TRERF1: variants seen among roughly 807,000 people sequenced by gnomAD.
The protein encoded by TRERF1 is transcriptional regulating factor 1.
A neutral mutation model predicts 122.9 loss-of-function variants in TRERF1; 27 were observed. That is an observed-to-expected ratio of 0.22 (90% confidence interval 0.16 to 0.30). The LOEUF is 0.30. TRERF1 is among the 10% of genes least tolerant of loss of function. The pLI is 1.00. For missense variants in TRERF1, 1,248 were observed against 1,560.3 expected (o/e 0.80, Z 3.37); for synonymous variants, 636 against 641.7 (o/e 0.99, Z 0.13).
chr6:42,308,211 G>C (rs1400738484), intron 3 of TRERF1, among the ~76,000 whole-genome samples: 1 of 152,176 alleles, frequency 6.6e-6, no homozygotes, highest in Non-Finnish European at 1.5e-5. Flanking sequence ...AAGGTGGAAA[G>C]AACCCAAATG....
rs374092720 is a variant in TRERF1 at position 42,265,845 on chromosome 6, G to T, written c.1438-48C>A. On this transcript the variant is annotated intron_variant, in intron 5 of 17. Coordinates refer to ENST00000372922, the Ensembl canonical transcript of TRERF1. ...ACCGAAAAAAAGAAGAGAAAAAAACGTGTTCTGAAGGGAGAAGTCCTCGAG... is the reference window on the plus strand; with the variant it reads ...ACCGAAAAAAAGAAGAGAAAAAAACTTGTTCTGAAGGGAGAAGTCCTCGAG... 3 of 1,593,818 alleles carry T rather than the reference G, an allele frequency of 1.9e-6. No homozygotes were observed. In the African/African-American group the frequency reaches 4.0e-5, roughly 21 times the overall value.
At chr6:42,264,802 T>C in exon 7 of TRERF1, 1 of 1,614,238 alleles carries the variant, frequency 6.2e-7, no homozygotes, top group Non-Finnish European at 8.5e-7. Context: ...ATGGAGCATG[T>C]CAGCTTGTTC....
chr6:42,246,686 G>C lies in TRERF1; in HGVS notation c.2657-142C>G, dbSNP rs1486113443. On this transcript the variant is annotated intron_variant, in intron 13 of 17. Coordinates refer to ENST00000372922, the Ensembl canonical transcript of TRERF1. ...AAACTCCCATTTGAACAAAAAGATA[G>C]TGTGATATAATGGTTAGGAGCTCTG... is the stretch of plus-strand genomic sequence containing the variant. 7.1e-6 allele frequency: 4 copies of C among 563,422 alleles called. No individual in the cohort carries two copies. The East Asian group carries it at 9.7e-5, about 14-fold the overall frequency. 34.9% of individuals were successfully genotyped at this position (563,422 alleles called of 1,614,324 possible). A position where few individuals can be genotyped will look rare whatever the true frequency, so the allele number is the denominator to read the frequency against.
At chr6:42,298,998 C>T (rs1053469339) in intron 4 of TRERF1, among the ~76,000 whole-genome samples, 3 of 152,004 alleles carry the variant, frequency 2.0e-5, no homozygotes, top group South Asian at 4.2e-4. Context: ...GGTAGCTCCT[C>T]GGGAGGAGGA....
chr6:42,236,704 G>C (rs111765940), intron 15 of TRERF1, among the ~76,000 whole-genome samples: 15 of 152,272 alleles, frequency 9.9e-5, no homozygotes, highest in African/African-American at 3.6e-4. Flanking sequence ...TACATGCAAG[G>C]ATTCCCCACC....
intron 2 of TRERF1, among the ~76,000 whole-genome samples, chr6:42,413,826 TA>T (rs1424162731): frequency 6.6e-6 from 1 of 151,694 alleles, no homozygotes; most frequent in Non-Finnish European, 1.5e-5. Flanking sequence ...AAAATTTACA[TA>T]AGAAAAAAAT....
Position 42,259,400 on chromosome 6 carries a change from G to A in TRERF1, c.2208C>T (p.Ala736=). Residue 736 remains alanine (A), a synonymous_variant, in exon 9 of 18, where the codon GCC becomes GCT. Coordinates refer to ENST00000372922, the Ensembl canonical transcript of TRERF1. This position sits in a 1 kb window ranked among gnomAD's most constrained non-coding sequence, Gnocchi z 4.9. ...GGGGCGTCAGGGGCAGCTGCGGGTG[G>A]GCGCCAGGGCCGTGGCCGGAGATGA... is the stretch of plus-strand genomic sequence containing the variant. 6 of 1,531,644 alleles carry A rather than the reference G, an allele frequency of 3.9e-6. No homozygotes were observed. The highest frequency in any genetic ancestry group is 4.5e-5 in the East Asian group (2 of 44,110). 94.9% of individuals were successfully genotyped at this position (1,531,644 alleles called of 1,614,324 possible).
chr6:42,398,437 CA>C, intron 2 of TRERF1, among the ~76,000 whole-genome samples: 1 of 152,242 alleles, frequency 6.6e-6, no homozygotes, highest in Non-Finnish European at 1.5e-5. Flanking sequence ...TGCCCAGTGC[CA>C]AAATTCTATT....
At chr6:42,362,171 C>T (rs1166696887) in intron 3 of TRERF1, among the ~76,000 whole-genome samples, 5 of 152,156 alleles carry the variant, frequency 3.3e-5, no homozygotes, top group African/African-American at 1.2e-4. Flanking sequence ...CCCATTTGCA[C>T]GAGCCACGTG....
intron 2 of TRERF1, among the ~76,000 whole-genome samples, chr6:42,411,083 G>T (rs1781032500): frequency 6.6e-6 from 1 of 152,148 alleles, no homozygotes; most frequent in Non-Finnish European, 1.5e-5. Flanking sequence ...GCTCTATGAT[G>T]GGGGAAGTCA....
chr6:42,263,549 A>C lies in TRERF1; in HGVS notation c.1655T>G (p.Leu552Arg). 6.5e-7 allele frequency: 1 copy of C among 1,544,158 alleles called. No individual in the cohort carries two copies. The highest frequency in any genetic ancestry group is 8.7e-7 in the Non-Finnish European group (1 of 1,144,964). Residue 552 changes from leucine to arginine, a missense_variant, in exon 8 of 18, where the codon CTG (leucine) becomes CGG (arginine). Leu to Arg is a moderately radical substitution (Grantham distance 102). Around this residue, in one of 5 missense-constraint regions of TRERF1, gnomAD observed 946 missense variants for 1,073.0 expected, o/e 0.88. Transcript: ENST00000372922. This position sits in a 1 kb window ranked among gnomAD's most constrained non-coding sequence, Gnocchi z 5.6. ...CAGTGGTGGCTGGGGCTGAGGCGGC[A>C]GGACCTTCTCTCCTTCCTCCTACAC...
intron 3 of TRERF1, among the ~76,000 whole-genome samples, chr6:42,341,333 A>G (rs1354321626): frequency 6.6e-6 from 1 of 152,196 alleles, no homozygotes; most frequent in Non-Finnish European, 1.5e-5. Context: ...CCAAATATCA[A>G]TGAGCATCAT....
intron 2 of TRERF1, among the ~76,000 whole-genome samples, chr6:42,436,662 C>T (rs1785413216): frequency 6.6e-6 from 1 of 151,124 alleles, no homozygotes; most frequent in Non-Finnish European, 1.5e-5. Context: ...ACTTTACTGC[C>T]TAGAAAAAAT....
At chr6:42,330,983 GT>G (rs796091831) in intron 3 of TRERF1, among the ~76,000 whole-genome samples, 3 of 151,888 alleles carry the variant, frequency 2.0e-5, no homozygotes, top group African/African-American at 4.8e-5. Flanking sequence ...CCGACCAGAT[GT>G]TTTTTTTAAC....
At position 42,232,408 on chromosome 6, in the gene TRERF1, C is replaced by T. The variant is rs375617704; in HGVS notation, c.3278+273G>A. ...GAAGGGAAGGAGTGGGAACCAGAGT[C>T]CCACCTGCCATTCCTGGGAAAGAGT... is the stretch of plus-strand genomic sequence containing the variant. On this transcript the variant is annotated intron_variant, in intron 17 of 17. Transcript: ENST00000372922. The surrounding 1 kb of genome is among the most constrained non-coding windows in gnomAD (Gnocchi z 4.5). Among the ~76,000 whole-genome samples the T allele has an allele frequency of 6.6e-6, 1 of 152,132 alleles. No homozygotes were observed. Among genetic ancestry groups the T allele is most frequent in the Non-Finnish European group, 1.5e-5 (1 of 68,018 alleles).
chr6:42,408,037 G>A (rs1780445815), intron 2 of TRERF1, among the ~76,000 whole-genome samples: 1 of 151,528 alleles, frequency 6.6e-6, no homozygotes, highest in African/African-American at 2.4e-5. Context: ...CTCAGTTTAT[G>A]ATCCAGGCTT....
At chr6:42,261,384 G>C (rs1329888662) in intron 8 of TRERF1, among the ~76,000 whole-genome samples, 2 of 152,142 alleles carry the variant, frequency 1.3e-5, no homozygotes, top group Non-Finnish European at 2.9e-5. Flanking sequence ...GATCCTCCAG[G>C]CAAGGCTCTG....
intron 2 of TRERF1, among the ~76,000 whole-genome samples, chr6:42,446,260 T>C (rs1787494604): frequency 3.3e-5 from 5 of 152,204 alleles, no homozygotes; most frequent in Admixed American, 3.3e-4. Flanking sequence ...AAATGAAATG[T>C]AAACCTTTTC....
intron 2 of TRERF1, among the ~76,000 whole-genome samples, chr6:42,431,158 G>A (rs1193872055): frequency 6.6e-6 from 1 of 151,904 alleles, no homozygotes; most frequent in African/African-American, 2.4e-5. Context: ...TCTTGAGAGT[G>A]CAAAAGCTAA....
Sources: allele counts gnomAD v4.1 joint callset (sites outside exome capture counted in the v4.1 genomes callset), GRCh38; gene constraint gnomAD v4.1.1; regional missense constraint gnomAD v4.1.1; non-coding constraint Gnocchi (gnomAD v3.1); transcripts MANE v1.5; gene names NCBI Gene and HGNC (gene_info 2026-07-23, HGNC 2026-07-21).